Variants in CDH8 observed in about 807,000 individuals in gnomAD.
CDH8 encodes cadherin-8.
Under a neutral mutation model 68.1 loss-of-function variants are expected in CDH8, and 17 were observed. That is an observed-to-expected ratio of 0.25 (90% CI 0.17 to 0.37). The LOEUF is 0.37. Among genes scored for constraint, CDH8 ranks in the 10% least tolerant of loss-of-function variants. CDH8 has a pLI of 1.00. For synonymous variants in CDH8, 372 were observed against 365.1 expected (o/e 1.02, Z -0.21); for missense variants, 763 against 999.3 (o/e 0.76, Z 3.19).
chr16:61,830,996 A>C (rs2143004059), intron 4 of CDH8, among the ~76,000 whole-genome samples: 1 of 151,930 alleles, frequency 6.6e-6, no homozygotes, highest in South Asian at 2.1e-4. Flanking sequence ...CTAACACAGA[A>C]CATCCCTGGG....
chr16:61,945,089 A>G (rs986757245), intron 2 of CDH8, among the ~76,000 whole-genome samples: 67 of 152,278 alleles, frequency 4.4e-4, no homozygotes, highest in Non-Finnish European at 1.0e-4. Context: ...AGTGAGGAGA[A>G]CATTTGGCTT....
chr16:61,855,437 G>A (rs1776035265), intron 4 of CDH8, among the ~76,000 whole-genome samples: 1 of 152,052 alleles, frequency 6.6e-6, no homozygotes, highest in Admixed American at 6.6e-5. Context: ...TATTTATGGT[G>A]GAAAAAGTCT....
At chr16:61,748,311 C>A (rs373558092) in intron 8 of CDH8, among the ~76,000 whole-genome samples, 12 of 151,972 alleles carry the variant, frequency 7.9e-5, no homozygotes, top group African/African-American at 2.7e-4. Flanking sequence ...TCCTAACAAT[C>A]CTATGGAGAA....
chr16:61,846,500 A>G lies in CDH8; in HGVS notation c.667+10619T>C, dbSNP rs150194201. ...AAAATTAATCTAAATGAGAGCATCA[A>G]GGTGTTTAGAGTACCTGTCTTCTTT... On this transcript the variant is annotated intron_variant, in intron 4 of 11. Transcript: ENST00000577390. Among the ~76,000 whole-genome samples, 6 of 152,228 alleles carry G rather than the reference A, an allele frequency of 3.9e-5. No homozygotes were observed. In the East Asian group the frequency reaches 1.2e-3, roughly 30 times the overall value.
chr16:61,978,046 C>T (rs1252025044), intron 2 of CDH8, among the ~76,000 whole-genome samples: 2 of 152,092 alleles, frequency 1.3e-5, no homozygotes, highest in East Asian at 1.9e-4. Flanking sequence ...TACATTCATG[C>T]TCAGTTTAAG....
At chr16:61,848,317 T>C (rs1416571139) in intron 4 of CDH8, among the ~76,000 whole-genome samples, 2 of 152,106 alleles carry the variant, frequency 1.3e-5, no homozygotes, top group African/African-American at 4.8e-5. Flanking sequence ...GTTCATAGTC[T>C]TTCTATCCAG....
intron 2 of CDH8, among the ~76,000 whole-genome samples, chr16:61,964,033 G>C (rs760468187): frequency 6.6e-6 from 1 of 151,962 alleles, no homozygotes; most frequent in Non-Finnish European, 1.5e-5. Flanking sequence ...ATCCTCAAAC[G>C]GTTCTTGGAA....
chr16:61,919,054 T>C (rs200465826), intron 2 of CDH8, among the ~76,000 whole-genome samples: 4,865 of 144,664 alleles, frequency 0.034, 310 homozygotes, highest in African/African-American at 0.038. Context: ...AGCAGGGGCA[T>C]ACTGACACCT....
chr16:61,789,525 G>A lies in CDH8; in HGVS notation c.1278-43C>T, dbSNP rs751688919. ...CTGTAATCTACTTCAATGTTTATAT[G>A]ATCCATACATTCCACAGCAGACCTT... On this transcript the variant is annotated intron_variant, in intron 7 of 11. Transcript: ENST00000577390. 112 of 1,584,144 alleles carry A rather than the reference G, an allele frequency of 7.1e-5. 1 individual carries two copies. Among genetic ancestry groups the A allele is most frequent in the Non-Finnish European group, 5.7e-5 (66 of 1,162,358 alleles).
chr16:61,770,717 T>C (rs534598554), intron 8 of CDH8, among the ~76,000 whole-genome samples: 1 of 151,930 alleles, frequency 6.6e-6, no homozygotes, highest in Non-Finnish European at 1.5e-5. Flanking sequence ...CATACAGAAC[T>C]CATTTCTTCC....
Position 61,884,442 on chromosome 16 carries a change from C to A in CDH8, c.547+16737G>T, listed in dbSNP as rs370819153. Among the ~76,000 whole-genome samples the A allele has an allele frequency of 3.3e-5, 5 of 150,130 alleles. 1 individual carries two copies. In the South Asian group the frequency reaches 1.1e-3, roughly 32 times the overall value. ...AGGCTGAAGAGCAGTGGCGTGATCTCGGCTCATTGCAACCTCTGCCTCCTG... is the reference window on the plus strand; with the variant it reads ...AGGCTGAAGAGCAGTGGCGTGATCTAGGCTCATTGCAACCTCTGCCTCCTG... On this transcript the variant is annotated intron_variant, in intron 3 of 11. Coordinates refer to ENST00000577390, the MANE Select transcript of CDH8 (RefSeq NM_001796.5).
intron 2 of CDH8, among the ~76,000 whole-genome samples, chr16:61,976,375 A>G (rs937112341): frequency 8.5e-5 from 13 of 152,178 alleles, no homozygotes; most frequent in African/African-American, 2.4e-4. Context: ...TTGATTTTAT[A>G]GTAGATCTTC....
chr16:62,031,002 G>C (rs905412771), intron 1 of CDH8, among the ~76,000 whole-genome samples: 1 of 152,154 alleles, frequency 6.6e-6, no homozygotes, highest in Non-Finnish European at 1.5e-5. Flanking sequence ...AGGAAGGAGA[G>C]AGGAAGTAAA....
chr16:61,944,877 C>T (rs1964776970), intron 2 of CDH8, among the ~76,000 whole-genome samples: 1 of 151,098 alleles, frequency 6.6e-6, no homozygotes, highest in African/African-American at 2.4e-5. Flanking sequence ...GTCAATAATG[C>T]AAAAACAGAA....
In CDH8 at chr16:61,896,639, G is replaced by A. The variant is rs150706152; in HGVS notation, c.547+4540C>T. Among the ~76,000 whole-genome samples, 1,126 of 152,248 alleles carry A rather than the reference G, an allele frequency of 7.4e-3. 14 individuals carry two copies. The highest frequency in any genetic ancestry group is 0.025 in the African/African-American group (1,052 of 41,544). ...AAATGAAGGGAATAATTCACACTTC[G>A]CAATGAAATAATGCAGCCGCCTCTG... On this transcript the variant is annotated intron_variant, in intron 3 of 11. Coordinates refer to ENST00000577390, the MANE Select transcript of CDH8 (RefSeq NM_001796.5).
chr16:61,769,846 T>C (rs1305269373), intron 8 of CDH8, among the ~76,000 whole-genome samples: 1 of 151,910 alleles, frequency 6.6e-6, no homozygotes, highest in Non-Finnish European at 1.5e-5. Flanking sequence ...ATTTTTATGA[T>C]TTTGCAACCA....
Position 61,653,453 on chromosome 16 carries a change from C to A in CDH8, c.*155G>T. ...AACATATACTTTTTTATTTTATTAT[C>A]TTTTTTTGGTTCAACATTAAAATGT... On this transcript the variant is annotated 3_prime_UTR_variant, in exon 12 of 12. Transcript: ENST00000577390. 2 of 1,422,480 alleles carry A rather than the reference C, an allele frequency of 1.4e-6. No homozygotes were observed. Among genetic ancestry groups the A allele is most frequent in the Non-Finnish European group, 1.8e-6 (2 of 1,088,230 alleles). The allele number at this position is 1,422,480 out of a possible 1,614,324, so 88.1% of individuals were successfully genotyped here. A position where few individuals can be genotyped will look rare whatever the true frequency, so the allele number is the denominator to read the frequency against.
intron 8 of CDH8, among the ~76,000 whole-genome samples, chr16:61,757,486 A>G (rs1960352152): frequency 6.6e-6 from 1 of 152,196 alleles, no homozygotes; most frequent in African/African-American, 2.4e-5. Flanking sequence ...ATTCACAATC[A>G]CATACTTTTA....
At chr16:61,931,604 C>T (rs1964540630) in intron 2 of CDH8, among the ~76,000 whole-genome samples, 1 of 152,150 alleles carries the variant, frequency 6.6e-6, no homozygotes, top group African/African-American at 2.4e-5. Context: ...ATATTAGAAA[C>T]CCCCACTTTC....
Sources: gnomAD v4.1 joint callset for allele counts (sites outside exome capture counted in the v4.1 genomes callset) on GRCh38, gnomAD v4.1.1 for gene constraint, MANE v1.5 for transcripts, NCBI Gene and HGNC (gene_info 2026-07-23, HGNC 2026-07-21) for gene names.